The following FRMD4A variants were observed in gnomAD, a reference collection of about 807,000 sequenced individuals.
The protein encoded by FRMD4A is FERM domain-containing protein 4A.
In FRMD4A, 29 loss-of-function variants were observed where a neutral mutation model predicts 129.1. The ratio of observed to expected loss-of-function variants is 0.22; its 90% CI spans 0.17 to 0.31. The LOEUF (loss-of-function observed/expected upper bound fraction) is 0.31, where lower values mean the gene tolerates loss of function less well. FRMD4A is among the 10% of genes least tolerant of loss of function. The pLI is 1.00. For synonymous variants in FRMD4A, 634 were observed against 571.6 expected, an observed-to-expected ratio of 1.11 and a Z score of -1.56; for missense variants, 1,272 against 1,375.8, an observed-to-expected ratio of 0.92 and a Z score of 1.19.
chr10:13,690,192 G>A (rs925542803), intron 15 of FRMD4A, among the ~76,000 whole-genome samples: 32 of 152,194 alleles, frequency 2.1e-4, no homozygotes, highest in African/African-American at 3.6e-4. Flanking sequence ...TGCAAGCAGC[G>A]GGGCTTGTCC....
intron 2 of FRMD4A, among the ~76,000 whole-genome samples, chr10:14,209,398 C>A (rs1842873579): frequency 6.6e-6 from 1 of 152,090 alleles, no homozygotes; most frequent in Non-Finnish European, 1.5e-5. Flanking sequence ...TCCAGCACCT[C>A]AAGATGTGAT....
At chr10:13,846,233 G>T (rs773067731) in intron 3 of FRMD4A, among the ~76,000 whole-genome samples, 1 of 152,178 alleles carries the variant, frequency 6.6e-6, no homozygotes, top group Non-Finnish European at 1.5e-5. Context: ...CAATCTATTA[G>T]GTTGGTGCCA....
At chr10:13,746,717 G>C (rs2091309165) in intron 9 of FRMD4A, among the ~76,000 whole-genome samples, 1 of 152,166 alleles carries the variant, frequency 6.6e-6, no homozygotes, top group South Asian at 2.1e-4. Flanking sequence ...TTAAATAAAA[G>C]GAGTTGCAAT....
chr10:14,097,783 A>G (rs1837055986), intron 2 of FRMD4A, among the ~76,000 whole-genome samples: 1 of 150,868 alleles, frequency 6.6e-6, no homozygotes, highest in African/African-American at 2.4e-5. Context: ...TGAGAGATAA[A>G]AGAGAAAAAA....
rs147470566 is a variant in FRMD4A, at chr10:13,947,810, T to C, written c.46-88898A>G. Among the ~76,000 whole-genome samples, 879 of 152,262 alleles carry C rather than the reference T, an allele frequency of 5.8e-3. 12 individuals are homozygous for C. Among genetic ancestry groups the C allele is most frequent in the African/African-American group, 0.02 (816 of 41,548 alleles). On this transcript the variant is annotated intron_variant, in intron 2 of 24. Transcript: ENST00000357447. ...TGCCTCATTGGATGGTTATTCTCCA[T>C]GTCATCCAGAGTCAAGAAGAGTAAC...
intron 2 of FRMD4A, among the ~76,000 whole-genome samples, chr10:13,989,225 G>A (rs2095594471): frequency 6.6e-6 from 1 of 152,054 alleles, no homozygotes; most frequent in Non-Finnish European, 1.5e-5. Context: ...GGTATCAGGG[G>A]TCCTGGTGTT....
chr10:14,264,420 A>G (rs1331926577), intron 2 of FRMD4A, among the ~76,000 whole-genome samples: 1 of 152,232 alleles, frequency 6.6e-6, no homozygotes, highest in Non-Finnish European at 1.5e-5. Flanking sequence ...AACAACAACA[A>G]AAGTGACTGT....
At chr10:14,303,325 T>A (rs1442662192) in intron 2 of FRMD4A, among the ~76,000 whole-genome samples, 1 of 152,216 alleles carries the variant, frequency 6.6e-6, no homozygotes, top group Non-Finnish European at 1.5e-5. Flanking sequence ...TCTGATTCAA[T>A]GGGTCGGGGT....
chr10:14,294,396 C>G (rs576980107), intron 2 of FRMD4A, among the ~76,000 whole-genome samples: 7 of 152,184 alleles, frequency 4.6e-5, no homozygotes, highest in Non-Finnish European at 1.0e-4. Flanking sequence ...GTGTCCTCCA[C>G]GTTCACAAGG....
rs137947270 is a variant in FRMD4A, at chr10:13,798,712, G to A, written c.207-2124C>T. Among the ~76,000 whole-genome samples the A allele has an allele frequency of 6.5e-3, 993 of 152,268 alleles. 34 individuals carry two copies. Among genetic ancestry groups the A allele is most frequent in the Admixed American group, 0.053 (813 of 15,286 alleles). On this transcript the variant is annotated intron_variant, in intron 4 of 24. Coordinates refer to ENST00000357447, the MANE Select transcript of FRMD4A (RefSeq NM_018027.5). ...AGCCTGGGTGACAGAGCGAGACTCC[G>A]TCTCATAAATAAATAAATAAATGGA...
chr10:13,742,173 A>G (rs2091044646), intron 9 of FRMD4A, among the ~76,000 whole-genome samples: 1 of 152,150 alleles, frequency 6.6e-6, no homozygotes. Flanking sequence ...TAGTTCTAAT[A>G]TAACAAGAGG....
At chr10:13,890,844 T>C (rs575182838) in intron 2 of FRMD4A, 2 of 985,170 alleles carry the variant, frequency 2.0e-6, no homozygotes. Flanking sequence ...TAAGAAGCCG[T>C]CGCCAGAGCT....
In FRMD4A at chr10:14,288,861, T is replaced by G. The variant is rs564320855; in HGVS notation, c.45+41197A>C. 2.0e-4 allele frequency among the ~76,000 whole-genome samples: 31 copies of G among 152,312 alleles called. 1 individual carries two copies. The South Asian group carries it at 6.4e-3, about 32-fold the overall frequency. ...GACTATTTTAGATTCCTCATGTAAATGTAATCATGCAGCATTTGTCCTTCT... is the reference window on the plus strand; with the variant it reads ...GACTATTTTAGATTCCTCATGTAAAGGTAATCATGCAGCATTTGTCCTTCT... On this transcript the variant is annotated intron_variant, in intron 2 of 24. Transcript: ENST00000357447.
intron 2 of FRMD4A, among the ~76,000 whole-genome samples, chr10:14,101,501 A>G (rs145856240): frequency 6.6e-6 from 1 of 152,328 alleles, no homozygotes; most frequent in Non-Finnish European, 1.5e-5. Context: ...TTAGGTGTGA[A>G]TTAGTTTCAA....
chr10:13,858,094 C>T (rs1417508167), intron 3 of FRMD4A, among the ~76,000 whole-genome samples: 2 of 152,056 alleles, frequency 1.3e-5, no homozygotes, highest in Non-Finnish European at 2.9e-5. Flanking sequence ...GAAAGAGGAC[C>T]GAGTACAGAG....
chr10:14,170,683 T>C (rs1841428521), intron 2 of FRMD4A, among the ~76,000 whole-genome samples: 1 of 152,198 alleles, frequency 6.6e-6, no homozygotes, highest in Non-Finnish European at 1.5e-5. Context: ...TAGGGTTAAT[T>C]TCCATCCACT....
intron 2 of FRMD4A, among the ~76,000 whole-genome samples, chr10:13,894,196 G>A (rs1373437917): frequency 6.6e-6 from 1 of 152,134 alleles, no homozygotes; most frequent in East Asian, 1.9e-4. Context: ...CTTTCACCAG[G>A]ATGTCTCCAG....
chr10:13,926,489 T>C (rs1445184076), intron 2 of FRMD4A, among the ~76,000 whole-genome samples: 1 of 152,174 alleles, frequency 6.6e-6, no homozygotes, highest in Non-Finnish European at 1.5e-5. Flanking sequence ...GTCCCAATGA[T>C]CAGTCAGCAA....
At chr10:13,912,977 G>A (rs2094959433) in intron 2 of FRMD4A, among the ~76,000 whole-genome samples, 2 of 151,776 alleles carry the variant, frequency 1.3e-5, no homozygotes, top group Admixed American at 6.6e-5. Context: ...GGAGGTTGAG[G>A]CAGGAGAACC....
Sources: gnomAD v4.1 joint callset for allele counts (sites outside exome capture counted in the v4.1 genomes callset) on GRCh38, gnomAD v4.1.1 for gene constraint, MANE v1.5 for transcripts, NCBI Gene and HGNC (gene_info 2026-07-23, HGNC 2026-07-21) for gene names.